FA2H: variants seen among roughly 807,000 people sequenced by gnomAD.
FA2H encodes fatty acid 2-hydroxylase.
Under a neutral mutation model 44.9 loss-of-function variants are expected in FA2H, and 22 were observed. The observed-to-expected ratio is 0.49, with a 90% CI of 0.35 to 0.70. The LOEUF is 0.70. Ranked by LOEUF, FA2H falls within the 30% of genes least tolerant of loss-of-function variation. The pLI is 0.01. For synonymous variants in FA2H, 243 were observed against 213.2 expected (o/e 1.14, Z -1.22); for missense variants, 501 against 504.9 (o/e 0.99, Z 0.07).
chr16:74,747,797 GACAAT>G (rs1257259225), intron 1 of FA2H, among the ~76,000 whole-genome samples: 3 of 152,120 alleles, frequency 2.0e-5, no homozygotes, highest in Non-Finnish European at 4.4e-5. Flanking sequence ...AGAGCTGCGA[GACAAT>G]ACATTTCTGT....
chr16:74,773,404 T>C (rs1962945256), intron 1 of FA2H, among the ~76,000 whole-genome samples: 1 of 152,180 alleles, frequency 6.6e-6, no homozygotes, highest in South Asian at 2.1e-4. Flanking sequence ...GTACTATCTG[T>C]GGTTTTAAGG....
chr16:74,763,267 G>A (rs556327973), intron 1 of FA2H, among the ~76,000 whole-genome samples: 15 of 151,204 alleles, frequency 9.9e-5, no homozygotes, highest in Non-Finnish European at 2.1e-4. Flanking sequence ...ATTTTTTTTT[G>A]TTTTTTTTGA....
At chr16:74,727,191 T>G in intron 3 of FA2H, 53 bp downstream of exon 3, 1 of 1,612,492 alleles carries the variant, frequency 6.2e-7, no homozygotes, top group East Asian at 2.2e-5. Context: ...CATATCTGAT[T>G]GGCACCGTCA....
chr16:74,717,539 G>T (rs1961734569), intron 5 of FA2H, among the ~76,000 whole-genome samples: 1 of 152,268 alleles, frequency 6.6e-6, no homozygotes, highest in Non-Finnish European at 1.5e-5. Context: ...CGCTGAGGTG[G>T]CGTCACTGGA....
chr16:74,756,337 C>G lies in FA2H; in HGVS notation c.271-16222G>C, dbSNP rs141205122. 5.3e-5 allele frequency among the ~76,000 whole-genome samples: 8 copies of G among 152,246 alleles called. No homozygotes were observed. The East Asian group carries it at 1.6e-3, about 30-fold the overall frequency. ...TGCCCGCATCCCCTGGCTGAAATCACTACTATTCCATCACTGCTTGGACGG... is the reference window on the plus strand; with the variant it reads ...TGCCCGCATCCCCTGGCTGAAATCAGTACTATTCCATCACTGCTTGGACGG... On this transcript the variant is annotated intron_variant, in intron 1 of 6. Coordinates refer to ENST00000219368, the MANE Select transcript of FA2H (RefSeq NM_024306.5).
At chr16:74,755,613 T>G (rs1294435168) in intron 1 of FA2H, among the ~76,000 whole-genome samples, 1 of 152,230 alleles carries the variant, frequency 6.6e-6, no homozygotes, top group Admixed American at 6.5e-5. Context: ...GGGTAACTAC[T>G]TAGTATTTTG....
intron 1 of FA2H, among the ~76,000 whole-genome samples, chr16:74,766,868 CA>C (rs1962818318): frequency 6.6e-6 from 1 of 152,184 alleles, no homozygotes; most frequent in South Asian, 2.1e-4. Flanking sequence ...GAGGGATTCA[CA>C]AAACTATCCT....
chr16:74,747,147 C>A (rs189809102), intron 1 of FA2H, among the ~76,000 whole-genome samples: 216 of 152,008 alleles, frequency 1.4e-3, no homozygotes, highest in African/African-American at 4.7e-3. Flanking sequence ...CTCATCTCTA[C>A]TAAAAATACA....
intron 1 of FA2H, among the ~76,000 whole-genome samples, chr16:74,745,714 A>G (rs559724016): frequency 8.2e-4 from 125 of 152,156 alleles, no homozygotes; most frequent in Middle Eastern, 6.8e-3. Context: ...TCCCAGCACA[A>G]CGCCAATTCC....
At position 74,713,001 on chromosome 16, in the gene FA2H, TTAAG is replaced by T. The variant is rs1961611850; in HGVS notation, c.*1185_*1188del. The T allele has an allele frequency of 6.5e-6, 1 of 152,676 alleles. No homozygotes were observed. The highest frequency in any genetic ancestry group is 2.4e-5 in the African/African-American group (1 of 41,464). 9.5% of individuals were successfully genotyped at this position (152,676 alleles called of 1,614,324 possible). A position where few individuals can be genotyped will look rare whatever the true frequency, so the allele number is the denominator to read the frequency against. On this transcript the variant is annotated 3_prime_UTR_variant, in exon 7 of 7. Transcript: ENST00000219368. ...TGTTTTATTTTTCAAAATATACAAT[TTAAG>T]TTTTTATTTCACAACCGTAGTTTTG...
rs142693969 is a variant in FA2H, at chr16:74,754,320, T to C, written c.271-14205A>G. Among the ~76,000 whole-genome samples, 704 of 152,150 alleles carry C rather than the reference T, an allele frequency of 4.6e-3. 1 individual carries two copies. Among genetic ancestry groups the C allele is most frequent in the Non-Finnish European group, 7.9e-3 (534 of 67,984 alleles). Reference sequence around the variant, plus strand: ...CTGAGGCAGGAGAACTACTTGAGCCTGGGAGGTGGAGGTTGCAGTGAGCCA... The same window carrying C: ...CTGAGGCAGGAGAACTACTTGAGCCCGGGAGGTGGAGGTTGCAGTGAGCCA... On this transcript the variant is annotated intron_variant, in intron 1 of 6. Transcript: ENST00000219368.
At chr16:74,758,444 C>A (rs1055845305) in intron 1 of FA2H, among the ~76,000 whole-genome samples, 1 of 151,632 alleles carries the variant, frequency 6.6e-6, no homozygotes, top group Non-Finnish European at 1.5e-5. Context: ...TTTGCACGTT[C>A]GTCTTAACTA....
Position 74,719,011 on chromosome 16 carries a change from C to T in FA2H, c.763G>A (p.Val255Ile), listed in dbSNP as rs773459488. 1.2e-5 allele frequency: 20 copies of T among 1,613,808 alleles called. No homozygotes were observed. The highest frequency in any genetic ancestry group is 4.0e-5 in the African/African-American group (3 of 74,942). Residue 255 changes from valine (V) to isoleucine (I), a missense_variant, in exon 5 of 7, where the codon GTC becomes ATC. Val to Ile is a conservative substitution (Grantham distance 29). Transcript: ENST00000219368. ...DSYYLIMLHF[V>I]MHGQHHKAPF... ...ACCTTGTGGTGCTGGCCGTGCATGACGAAGTGCAGCATGATGAGGTAATAG... is the reference window on the plus strand; with the variant it reads ...ACCTTGTGGTGCTGGCCGTGCATGATGAAGTGCAGCATGATGAGGTAATAG...
intron 5 of FA2H, 82 bp downstream of exon 5, chr16:74,718,905 CG>C (rs1329694905): frequency 1.3e-6 from 2 of 1,514,430 alleles, no homozygotes; most frequent in Non-Finnish European, 1.8e-6. Context: ...CAGGAGGCTC[CG>C]CAGCACCTGA....
chr16:74,718,930 T>G (rs952055477), intron 5 of FA2H, 58 bp downstream of exon 5: 1 of 1,596,536 alleles, frequency 6.3e-7, no homozygotes, highest in Non-Finnish European at 8.5e-7. Context: ...TGCGGCTGGC[T>G]GCCGGGCCCT....
At chr16:74,746,165 C>A (rs1490954799) in intron 1 of FA2H, among the ~76,000 whole-genome samples, 2 of 151,968 alleles carry the variant, frequency 1.3e-5, no homozygotes, top group African/African-American at 2.4e-5. Flanking sequence ...AATAGAGGGG[C>A]CACACCCTGT....
chr16:74,774,461 GT>G (rs1567654101), intron 1 of FA2H, 24 bp downstream of exon 1: 1 of 1,499,306 alleles, frequency 6.7e-7, no homozygotes, highest in South Asian at 1.3e-5. Flanking sequence ...CTGGGTTGGG[GT>G]GGGGGGCCCC....
intron 1 of FA2H, among the ~76,000 whole-genome samples, chr16:74,749,433 C>G (rs1228612429): frequency 6.6e-6 from 1 of 150,518 alleles, no homozygotes; most frequent in African/African-American, 2.5e-5. Flanking sequence ...TTCACGGGAG[C>G]AAGAGGAAAG....
intron 1 of FA2H, among the ~76,000 whole-genome samples, chr16:74,749,848 T>C (rs1435098301): frequency 6.6e-6 from 1 of 152,126 alleles, no homozygotes; most frequent in Non-Finnish European, 1.5e-5. Context: ...AAGAATGCAC[T>C]GAGTCAGGGA....
Sources: allele counts gnomAD v4.1 joint callset (sites outside exome capture counted in the v4.1 genomes callset), GRCh38; gene constraint gnomAD v4.1.1; transcripts MANE v1.5; gene names NCBI Gene and HGNC (gene_info 2026-07-23, HGNC 2026-07-21).